Variants in USP8 observed in about 807,000 individuals in gnomAD.
The protein encoded by USP8 is ubiquitin carboxyl-terminal hydrolase 8.
USP8 carries 27 observed loss-of-function variants against 130.0 expected under a neutral mutation model. The ratio of observed to expected loss-of-function variants is 0.21; its 90% CI spans 0.15 to 0.29. The LOEUF is 0.29. Among genes scored for constraint, USP8 ranks in the 10% least tolerant of loss-of-function variants. The probability of loss-of-function intolerance (pLI) is 1.00; values close to 1 mark genes in which losing one functional copy is unlikely to be tolerated. For missense variants in USP8, 1,029 were observed against 1,312.2 expected (o/e 0.78, Z 3.33); for synonymous variants, 392 against 444.1 (o/e 0.88, Z 1.48).
rs538946886 is a variant in USP8, at chr15:50,482,807, G to A, written c.1803+742G>A. On this transcript the variant is annotated intron_variant, in intron 11 of 19. Transcript: ENST00000307179. ...AAATGGAAAAAACATTTTTAGTAGTGTGGAAATGACTTCTAATGGAAGGCG... is the reference window on the plus strand; with the variant it reads ...AAATGGAAAAAACATTTTTAGTAGTATGGAAATGACTTCTAATGGAAGGCG... 6.2e-4 allele frequency among the ~76,000 whole-genome samples: 94 copies of A among 152,266 alleles called. 1 individual carries two copies. Among genetic ancestry groups the A allele is most frequent in the Non-Finnish European group, 9.3e-4 (63 of 68,024 alleles).
intron 4 of USP8, among the ~76,000 whole-genome samples, chr15:50,455,886 C>T (rs1359459666): frequency 6.6e-6 from 1 of 152,192 alleles, no homozygotes; most frequent in African/African-American, 2.4e-5. Context: ...CTCTGGTTCT[C>T]TGAGATTGGG....
chr15:50,464,043 C>G (rs10519276), intron 6 of USP8, among the ~76,000 whole-genome samples: 20,891 of 152,200 alleles, frequency 0.14, 1,954 homozygotes, highest in Middle Eastern at 0.28. Context: ...AGTAGAATGA[C>G]AATTGGCAAA....
At chr15:50,442,057 A>G (rs537668768) in intron 3 of USP8, among the ~76,000 whole-genome samples, 1 of 146,844 alleles carries the variant, frequency 6.8e-6, no homozygotes, top group South Asian at 2.1e-4. Context: ...GCTCACTGCA[A>G]CCTGTCTCCT....
At chr15:50,444,998 T>C (rs964138248) in intron 3 of USP8, among the ~76,000 whole-genome samples, 2 of 152,112 alleles carry the variant, frequency 1.3e-5, no homozygotes, top group African/African-American at 4.8e-5. Flanking sequence ...GCTCAGGTGG[T>C]CTGCCTGCCT....
chr15:50,500,565 G>A lies in USP8; in HGVS notation c.*1477G>A. On this transcript the variant is annotated 3_prime_UTR_variant, in exon 20 of 20. Coordinates refer to ENST00000307179, the MANE Select transcript of USP8 (RefSeq NM_005154.5). The stretch of plus-strand genomic sequence containing the variant: ...ATAAAAATGTTAATGATGCAAGTAA[G>A]TTCTAAGAGTTTAATGACCAAGCAA... 1 of 518,962 alleles carries A rather than the reference G, an allele frequency of 1.9e-6. No homozygotes were observed. Among genetic ancestry groups the A allele is most frequent in the Non-Finnish European group, 3.5e-6 (1 of 285,908 alleles). 32.1% of individuals were successfully genotyped at this position (518,962 alleles called of 1,614,324 possible).
rs113289491 is a variant in USP8, at chr15:50,471,171, A to G, written c.687-462A>G. ...TCAATGAGAATAAAGCATTTAGAAC[A>G]GTATCTGGCACATGGTAAATGCTAT... On this transcript the variant is annotated intron_variant, in intron 7 of 19. Transcript: ENST00000307179. Among the ~76,000 whole-genome samples the G allele has an allele frequency of 1.4e-3, 208 of 152,358 alleles. 1 individual carries two copies. Among genetic ancestry groups the G allele is most frequent in the African/African-American group, 4.9e-3 (202 of 41,588 alleles).
chr15:50,490,842 C>T (rs1015559156), intron 14 of USP8, among the ~76,000 whole-genome samples: 3 of 152,166 alleles, frequency 2.0e-5, no homozygotes, highest in Non-Finnish European at 4.4e-5. Flanking sequence ...CCCGGAATCT[C>T]CCTTTGAGGA....
Position 50,481,711 on chromosome 15 carries a change from G to A in USP8, c.1449G>A (p.Arg483=). The A allele has an allele frequency of 6.2e-7, 1 of 1,611,856 alleles. No homozygotes were observed. The highest frequency in any genetic ancestry group is 8.5e-7 in the Non-Finnish European group (1 of 1,179,544). ...MEKNKQEKEL[R]ERQQEEQKEK... is the part of the protein sequence containing the mutation. The stretch of plus-strand genomic sequence containing the variant: ...AAAACAAACAAGAAAAAGAACTTCG[G>A]GAAAGGCAGCAAGAGGAACAGAAAG... Residue 483 remains arginine (R), a synonymous_variant, in exon 11 of 20, where the codon CGG becomes CGA. Transcript: ENST00000307179.
At position 50,513,476 on chromosome 15, in the gene USP8, G is replaced by C. The variant is rs1336553931; in HGVS notation, c.*14388G>C. On this transcript the variant is annotated 3_prime_UTR_variant, in exon 20 of 20. Coordinates refer to ENST00000307179, the MANE Select transcript of USP8 (RefSeq NM_005154.5). ...GCACTTTGGGAGGATGAGGGAGGTG[G>C]ATCACCTGAGGTCATGAGTTCGAGA... 1 of 147,210 alleles carries C rather than the reference G, an allele frequency of 6.8e-6. No individual in the cohort carries two copies. Among genetic ancestry groups the C allele is most frequent in the African/African-American group, 2.5e-5 (1 of 39,456 alleles). The allele number at this position is 147,210 out of a possible 1,614,324, so 9.1% of individuals were successfully genotyped here. A position where few individuals can be genotyped will look rare whatever the true frequency, so the allele number is the denominator to read the frequency against.
chr15:50,471,452 T>A (rs182190249), intron 7 of USP8, among the ~76,000 whole-genome samples, 181 bp from the exon 8 acceptor site: 19 of 152,290 alleles, frequency 1.2e-4, no homozygotes, highest in African/African-American at 4.1e-4. Context: ...TATACAGTAG[T>A]GAAGGGGTTA....
Position 50,446,991 on chromosome 15 carries a change from C to A in USP8, c.250-2409C>A, listed in dbSNP as rs184815430. Among the ~76,000 whole-genome samples, 196 of 152,276 alleles carry A rather than the reference C, an allele frequency of 1.3e-3. 1 individual carries two copies. Among genetic ancestry groups the A allele is most frequent in the African/African-American group, 4.6e-3 (190 of 41,570 alleles). On this transcript the variant is annotated intron_variant, in intron 3 of 19. Coordinates refer to ENST00000307179, the MANE Select transcript of USP8 (RefSeq NM_005154.5). ...GTTAACTGGGACACAAAAATTAAAT[C>A]TTTTGCTATATCACTCATATTCTGT...
chr15:50,429,420 T>C lies in USP8; in HGVS notation c.-66+4906T>C, dbSNP rs16963721. Among the ~76,000 whole-genome samples the C allele has an allele frequency of 2.1e-3, 323 of 152,180 alleles. 10 individuals are homozygous for C. The East Asian group carries it at 0.051, about 24-fold the overall frequency. On this transcript the variant is annotated intron_variant, in intron 1 of 19. Transcript: ENST00000307179. ...AATGATTTAAGATGCTGATTTCAGC[T>C]GGAAACAAATTGTTGCCTTCATATT...
At position 50,495,833 on chromosome 15, in the gene USP8, T is replaced by C. The variant is rs1390187683; in HGVS notation, c.2659-15T>C. The C allele has an allele frequency of 6.3e-7, 1 of 1,585,710 alleles. No individual in the cohort carries two copies. Among genetic ancestry groups the C allele is most frequent in the Non-Finnish European group, 8.6e-7 (1 of 1,157,798 alleles). ...TTGAGATATTAATATAGAGCTTAAA[T>C]CATTTTATTTCCAGGCTGATAATCG... On this transcript the variant is annotated splice_polypyrimidine_tract_variant and intron_variant, in intron 16 of 19. Coordinates refer to ENST00000307179, the MANE Select transcript of USP8 (RefSeq NM_005154.5).
rs2052649819 is a variant in USP8 at position 50,505,784 on chromosome 15, C to T, written c.*6696C>T. The T allele has an allele frequency of 6.6e-6, 1 of 152,086 alleles. No individual in the cohort carries two copies. The highest frequency in any genetic ancestry group is 1.5e-5 in the Non-Finnish European group (1 of 68,074). 9.4% of individuals were successfully genotyped at this position (152,086 alleles called of 1,614,324 possible). On this transcript the variant is annotated 3_prime_UTR_variant, in exon 20 of 20. Transcript: ENST00000307179. ...GACCAGCCTGGGCAACATAGTGAGA[C>T]CTGGTCTCTAAAAAAAATAAAAAAG...
chr15:50,430,943 G>C (rs1567593910), intron 1 of USP8, among the ~76,000 whole-genome samples: 4 of 152,194 alleles, frequency 2.6e-5, no homozygotes, highest in Non-Finnish European at 5.9e-5. Flanking sequence ...AAGGATGATA[G>C]TAAACTGGCG....
At chr15:50,431,494 A>AT (rs377007583) in intron 1 of USP8, among the ~76,000 whole-genome samples, 5 of 151,204 alleles carry the variant, frequency 3.3e-5, no homozygotes, top group Admixed American at 6.6e-5. Flanking sequence ...GTTAGTCAAC[A>AT]TTTTTTTTTC....
chr15:50,469,741 G>A (rs1359904696), intron 7 of USP8, among the ~76,000 whole-genome samples: 1 of 151,878 alleles, frequency 6.6e-6, no homozygotes, highest in African/African-American at 2.4e-5. Flanking sequence ...GAAATGCCAC[G>A]ATATACTAAG....
At chr15:50,461,577 G>A (rs765150587) in intron 5 of USP8, among the ~76,000 whole-genome samples, 2 of 151,898 alleles carry the variant, frequency 1.3e-5, no homozygotes, top group African/African-American at 2.4e-5. Context: ...TACATAGGCC[G>A]GGCACAGCGG....
At chr15:50,487,154 A>T (rs2051992987) in intron 12 of USP8, among the ~76,000 whole-genome samples, 1 of 152,100 alleles carries the variant, frequency 6.6e-6, no homozygotes, top group Admixed American at 6.6e-5. Flanking sequence ...TATTAATGTA[A>T]CCAAATATCA....
Sources: gnomAD v4.1 joint callset for allele counts (sites outside exome capture counted in the v4.1 genomes callset) on GRCh38, gnomAD v4.1.1 for gene constraint, MANE v1.5 for transcripts, NCBI Gene and HGNC (gene_info 2026-07-23, HGNC 2026-07-21) for gene names.